ABI3BP: variants seen among roughly 807,000 people sequenced by gnomAD.
ABI3BP encodes the protein ABI family member 3 binding protein, also known as target of Nesh-SH3.
ABI3BP carries 216 observed loss-of-function variants against 268.6 expected under a neutral mutation model. That is an observed-to-expected ratio of 0.80 (90% CI 0.72 to 0.90). The LOEUF (loss-of-function observed/expected upper bound fraction) is 0.90. ABI3BP is among the 40% of genes least tolerant of loss of function. The probability of loss-of-function intolerance (pLI) is 0.00; values close to 1 mark genes in which losing one functional copy is unlikely to be tolerated. For synonymous variants in ABI3BP, 730 were observed against 730.0 expected (o/e 1.00, Z 0.00); for missense variants, 2,090 against 2,182.4 (o/e 0.96, Z 0.84).
chr3:100,762,559 A>G (rs1382193363), intron 63 of ABI3BP, among the ~76,000 whole-genome samples: 1 of 152,182 alleles, frequency 6.6e-6, no homozygotes, highest in African/African-American at 2.4e-5. Flanking sequence ...CCAATTATTT[A>G]ACAGGTGTTA....
intron 51 of ABI3BP, among the ~76,000 whole-genome samples, chr3:100,801,050 T>C (rs904896910): frequency 6.6e-6 from 1 of 152,170 alleles, no homozygotes; most frequent in Admixed American, 6.5e-5. Context: ...ATTCTTTTAA[T>C]CCTGATTTTA....
intron 32 of ABI3BP, among the ~76,000 whole-genome samples, chr3:100,829,918 A>G (rs2098455045): frequency 6.6e-6 from 1 of 151,504 alleles, no homozygotes; most frequent in South Asian, 2.1e-4. Flanking sequence ...AACAAGTTCT[A>G]AAATCTTGCT....
At chr3:100,823,613 G>GAAA (rs2152701517) in intron 36 of ABI3BP, 99 bp from the exon 37 acceptor site, 1 of 842,202 alleles carries the variant, frequency 1.2e-6, no homozygotes, top group African/African-American at 2.2e-5. Context: ...AATTCTTCCA[G>GAAA]AGAAACAAAA....
intron 4 of ABI3BP, among the ~76,000 whole-genome samples, chr3:100,894,946 A>AAAAAAAAAAAAAAAAAAAAAAAG (rs2046718907): frequency 9.6e-6 from 1 of 104,486 alleles, no homozygotes; most frequent in African/African-American, 2.8e-5. Flanking sequence ...TTCAAAAAAA[A>AAAAAAAAAAAAAAAAAAAAAAAG]AAAAAAAAAA....
intron 1 of ABI3BP, among the ~76,000 whole-genome samples, chr3:100,988,957 T>C (rs1402379468): frequency 1.3e-5 from 2 of 152,174 alleles, no homozygotes; most frequent in African/African-American, 4.8e-5. Context: ...GAATAATAGG[T>C]TTACCTGCTT....
Position 100,982,222 on chromosome 3 carries a change from T to C in ABI3BP, c.79+11084A>G, listed in dbSNP as rs1018086385. Reference sequence around the variant, plus strand: ...AATCACCTCCCACCAAGTTCCACCCTCCACGTGTGGGGATTATGGGGATTA... The same window carrying C: ...AATCACCTCCCACCAAGTTCCACCCCCCACGTGTGGGGATTATGGGGATTA... On this transcript the variant is annotated intron_variant, in intron 1 of 67. Coordinates refer to ENST00000471714, the MANE Select transcript of ABI3BP (RefSeq NM_001375547.2). Among the ~76,000 whole-genome samples the C allele has an allele frequency of 1.6e-4, 25 of 152,026 alleles. 1 individual carries two copies. The highest frequency in any genetic ancestry group is 6.6e-4 in the Admixed American group (10 of 15,266).
chr3:100,902,986 T>C (rs766234293), intron 2 of ABI3BP, among the ~76,000 whole-genome samples: 1 of 152,172 alleles, frequency 6.6e-6, no homozygotes, highest in African/African-American at 2.4e-5. Flanking sequence ...TCTGCAAATA[T>C]ATATTTTAAA....
At chr3:100,779,516 C>CT (rs1192538902) in intron 58 of ABI3BP, among the ~76,000 whole-genome samples, 1 of 152,022 alleles carries the variant, frequency 6.6e-6, no homozygotes, top group Non-Finnish European at 1.5e-5. Flanking sequence ...CAATTTATAT[C>CT]TTTTTTTGGC....
At chr3:100,874,545 A>G (rs1451185601) in intron 9 of ABI3BP, among the ~76,000 whole-genome samples, 1 of 152,152 alleles carries the variant, frequency 6.6e-6, no homozygotes, top group Non-Finnish European at 1.5e-5. Flanking sequence ...TAGTAAGTAT[A>G]ATTTAGAATT....
chr3:100,955,000 T>A (rs1554202815), intron 1 of ABI3BP, among the ~76,000 whole-genome samples: 19 of 108,182 alleles, frequency 1.8e-4, no homozygotes, highest in East Asian at 1.0e-3. Flanking sequence ...TTTTTTTTTT[T>A]ACGAATCATA....
intron 1 of ABI3BP, among the ~76,000 whole-genome samples, chr3:100,975,928 C>T (rs2085968644): frequency 6.6e-6 from 1 of 152,178 alleles, no homozygotes; most frequent in Non-Finnish European, 1.5e-5. Flanking sequence ...CAACCCAGAT[C>T]CTGACTGGCC....
At chr3:100,857,082 T>C (rs1224434204) in intron 14 of ABI3BP, among the ~76,000 whole-genome samples, 8 of 152,212 alleles carry the variant, frequency 5.3e-5, no homozygotes, top group African/African-American at 1.9e-4. Context: ...GCATGTCTTT[T>C]CCATTCTCAA....
intron 1 of ABI3BP, among the ~76,000 whole-genome samples, chr3:100,943,326 G>A (rs1053929098): frequency 9.2e-5 from 14 of 151,844 alleles, no homozygotes; most frequent in African/African-American, 3.4e-4. Flanking sequence ...CATGTCAACT[G>A]AATTTCAGTA....
rs572637742 is a variant in ABI3BP, at chr3:100,873,671, C to A, written c.910+1170G>T. Among the ~76,000 whole-genome samples, 12 of 152,278 alleles carry A rather than the reference C, an allele frequency of 7.9e-5. No homozygotes were observed. In the South Asian group the frequency reaches 2.3e-3, roughly 29 times the overall value. ...TTGGGTTATATCTTATTTATCATTT[C>A]TTCTGCCTCTCTCTCAGCCAAAAAA... On this transcript the variant is annotated intron_variant, in intron 9 of 67. Transcript: ENST00000471714.
At chr3:100,908,246 A>C (rs1164765187) in intron 2 of ABI3BP, among the ~76,000 whole-genome samples, 2 of 152,200 alleles carry the variant, frequency 1.3e-5, no homozygotes, top group Non-Finnish European at 2.9e-5. Context: ...ATATATCTTA[A>C]AACATCTAAA....
intron 39 of ABI3BP, 66 bp downstream of exon 39, chr3:100,820,988 T>C (rs1343242321): frequency 4.6e-6 from 6 of 1,309,980 alleles, no homozygotes; most frequent in Non-Finnish European, 6.4e-6. Flanking sequence ...TCTGCGGCTA[T>C]GATGATGGAA....
chr3:100,753,787 T>G, intron 65 of ABI3BP, 32 bp downstream of exon 65: 3 of 1,607,832 alleles, frequency 1.9e-6, no homozygotes, highest in Non-Finnish European at 2.5e-6. Context: ...TAGAAAAGCA[T>G]GTAGTTGTGC....
At chr3:100,755,671 AGC>A (rs2095576271) in intron 63 of ABI3BP, among the ~76,000 whole-genome samples, 5 of 152,254 alleles carry the variant, frequency 3.3e-5, no homozygotes, top group Admixed American at 3.3e-4. Flanking sequence ...AAAATATGTA[AGC>A]AAAGCAAATC....
intron 54 of ABI3BP, among the ~76,000 whole-genome samples, chr3:100,794,148 T>C (rs937900540): frequency 6.6e-6 from 1 of 152,038 alleles, no homozygotes; most frequent in South Asian, 2.1e-4. Flanking sequence ...AGGCCTTTCC[T>C]TATTTCTCCA....
Sources: gnomAD v4.1 joint callset for allele counts (sites outside exome capture counted in the v4.1 genomes callset) on GRCh38, gnomAD v4.1.1 for gene constraint, MANE v1.5 for transcripts, NCBI Gene and HGNC (gene_info 2026-07-23, HGNC 2026-07-21) for gene names.